The following CLYBL variants were observed in gnomAD, a reference collection of about 807,000 sequenced individuals.
The protein encoded by CLYBL is citramalyl-CoA lyase, mitochondrial.
In CLYBL, 31 loss-of-function variants were observed where a neutral mutation model predicts 38.9. The observed-to-expected ratio is 0.80, with a 90% confidence interval of 0.60 to 1.08. CLYBL has a LOEUF of 1.08. Among genes scored for constraint, CLYBL ranks in the 50% least tolerant of loss-of-function variants. The pLI, the probability that CLYBL is intolerant of heterozygous loss-of-function variation, is 0.00. For synonymous variants in CLYBL, 171 were observed against 158.6 expected (o/e 1.08, Z -0.59); for missense variants, 434 against 411.6 (o/e 1.05, Z -0.47).
chr13:99,654,136 A>G (rs1307964665), intron 1 of CLYBL, among the ~76,000 whole-genome samples: 1 of 152,144 alleles, frequency 6.6e-6, no homozygotes, highest in Non-Finnish European at 1.5e-5. Context: ...TGGGGACACT[A>G]TATTTCTGCT....
intron 1 of CLYBL, among the ~76,000 whole-genome samples, chr13:99,675,768 T>A (rs556673981): frequency 6.6e-6 from 1 of 152,386 alleles, no homozygotes; most frequent in African/African-American, 2.4e-5. Flanking sequence ...ACATTTTATT[T>A]ATTCATTGAT....
intron 1 of CLYBL, among the ~76,000 whole-genome samples, chr13:99,628,526 C>G (rs1307499673): frequency 6.6e-6 from 1 of 152,118 alleles, no homozygotes; most frequent in Non-Finnish European, 1.5e-5. Flanking sequence ...TGAAGTTGCA[C>G]CAGGGTGGTA....
At chr13:99,799,672 T>C (rs1566331845) in intron 2 of CLYBL, among the ~76,000 whole-genome samples, 1 of 152,208 alleles carries the variant, frequency 6.6e-6, no homozygotes, top group Non-Finnish European at 1.5e-5. Context: ...GGTAATTGTG[T>C]TGGAAGCAGG....
chr13:99,745,369 A>G (rs750460934), intron 1 of CLYBL, among the ~76,000 whole-genome samples: 4 of 152,214 alleles, frequency 2.6e-5, no homozygotes, highest in Admixed American at 6.5e-5. Flanking sequence ...TGTATATTCC[A>G]TAAGAGTGGG....
intron 1 of CLYBL, among the ~76,000 whole-genome samples, chr13:99,657,600 A>G (rs2047347149): frequency 1.3e-5 from 2 of 150,138 alleles, no homozygotes; most frequent in Admixed American, 1.3e-4. Context: ...GATCATAATA[A>G]CATCTAAATT....
chr13:99,760,365 T>G (rs545047140), intron 1 of CLYBL, among the ~76,000 whole-genome samples: 40 of 152,256 alleles, frequency 2.6e-4, no homozygotes, highest in Non-Finnish European at 5.4e-4. Flanking sequence ...TTACCTTTAC[T>G]AAGATGTTTA....
intron 2 of CLYBL, among the ~76,000 whole-genome samples, chr13:99,806,487 T>G (rs1393326064): frequency 6.6e-6 from 1 of 152,236 alleles, no homozygotes; most frequent in Non-Finnish European, 1.5e-5. Context: ...GCATTGTAAT[T>G]AAGACCAAAC....
chr13:99,860,598 TTATC>T (rs2051576550), intron 3 of CLYBL, among the ~76,000 whole-genome samples: 1 of 152,218 alleles, frequency 6.6e-6, no homozygotes, highest in South Asian at 2.1e-4. Flanking sequence ...TAATGCCTAT[TTATC>T]ACCGTTATTA....
chr13:99,607,031 C>A (rs1050661727), intron 1 of CLYBL, among the ~76,000 whole-genome samples: 2 of 152,208 alleles, frequency 1.3e-5, no homozygotes, highest in Non-Finnish European at 2.9e-5. Context: ...AACTGCCTGC[C>A]TCCCCCAAAT....
intron 7 of CLYBL, among the ~76,000 whole-genome samples, chr13:99,886,433 C>T (rs767210140): frequency 8.5e-5 from 13 of 152,218 alleles, no homozygotes; most frequent in Admixed American, 3.3e-4. Flanking sequence ...GGGCAATGGC[C>T]GAGGTGTCAG....
At position 99,840,366 on chromosome 13, in the gene CLYBL, C is replaced by T. The variant is rs1018167640; in HGVS notation, c.250-18495C>T. Among the ~76,000 whole-genome samples, 6 of 152,092 alleles carry T rather than the reference C, an allele frequency of 3.9e-5. No homozygotes were observed. The South Asian group carries it at 1.0e-3, about 26-fold the overall frequency. ...GTGGCTCATGCGTGTAATCCCAATA[C>T]TTTGGGAGGCTGAGGTGGGAGGATC... On this transcript the variant is annotated intron_variant, in intron 2 of 8. Coordinates refer to ENST00000339105, the MANE Select transcript of CLYBL (RefSeq NM_206808.5).
At chr13:99,651,180 G>C (rs1470898688) in intron 1 of CLYBL, among the ~76,000 whole-genome samples, 1 of 152,218 alleles carries the variant, frequency 6.6e-6, no homozygotes, top group Non-Finnish European at 1.5e-5. Flanking sequence ...TGTACCCTGT[G>C]CTGTCTCCCA....
downstream of CLYBL, among the ~76,000 whole-genome samples, chr13:99,899,693 AT>A (rs943154867): frequency 2.6e-4 from 39 of 152,270 alleles, no homozygotes; most frequent in South Asian, 2.3e-3. Context: ...TTTTAAAATA[AT>A]TTTTTTAAAA....
intron 7 of CLYBL, among the ~76,000 whole-genome samples, chr13:99,874,459 G>A (rs2051987397): frequency 6.6e-6 from 1 of 151,714 alleles, no homozygotes; most frequent in South Asian, 2.1e-4. Context: ...TTATAATAAT[G>A]GTGATTCCAT....
chr13:99,857,269 TG>T (rs929503395), intron 2 of CLYBL, among the ~76,000 whole-genome samples: 7 of 151,980 alleles, frequency 4.6e-5, no homozygotes, highest in African/African-American at 1.5e-4. Context: ...GAGCCGAGAT[TG>T]CGCCACTGCA....
chr13:99,811,010 C>T (rs1025898833), intron 2 of CLYBL, among the ~76,000 whole-genome samples: 11 of 152,232 alleles, frequency 7.2e-5, no homozygotes, highest in African/African-American at 1.9e-4. Context: ...AGCCACGTTC[C>T]GGTTCTGAAG....
intron 1 of CLYBL, among the ~76,000 whole-genome samples, chr13:99,658,288 A>G (rs910554939): frequency 6.6e-6 from 1 of 152,200 alleles, no homozygotes; most frequent in African/African-American, 2.4e-5. Flanking sequence ...AGCTCTCAAG[A>G]GAAAGAATTT....
chr13:99,807,993 T>C (rs962316550), intron 2 of CLYBL, among the ~76,000 whole-genome samples: 5 of 152,220 alleles, frequency 3.3e-5, no homozygotes, highest in Non-Finnish European at 5.9e-5. Context: ...AAACCAACTC[T>C]GTTCAAAGCA....
At chr13:99,807,766 A>G (rs2050260680) in intron 2 of CLYBL, among the ~76,000 whole-genome samples, 1 of 152,196 alleles carries the variant, frequency 6.6e-6, no homozygotes, top group Non-Finnish European at 1.5e-5. Context: ...TGTACACTCT[A>G]AAGGGTTTAA....
Sources: gnomAD v4.1 joint callset for allele counts (sites outside exome capture counted in the v4.1 genomes callset) on GRCh38, gnomAD v4.1.1 for gene constraint, MANE v1.5 for transcripts, NCBI Gene and HGNC (gene_info 2026-07-23, HGNC 2026-07-21) for gene names.